Variants in ICAM2 observed in about 807,000 individuals in gnomAD.
ICAM2 encodes ICAM-2.
Under a neutral mutation model 19.1 loss-of-function variants are expected in ICAM2, and 14 were observed. That is an observed-to-expected ratio of 0.73 (90% confidence interval 0.48 to 1.15). The LOEUF is 1.15. Among genes scored for constraint, ICAM2 ranks in the 50% most tolerant of loss-of-function variants. The pLI is 0.00. For missense variants in ICAM2, 311 were observed against 355.4 expected (o/e 0.88, Z 1.00); for synonymous variants, 153 against 152.7 (o/e 1.00, Z -0.01).
chr17:64,003,784 T>C lies in ICAM2; in HGVS notation c.509A>G (p.Glu170Gly). The change falls in exon 4 of 5, where the codon GAG (glutamate) becomes GGG (glycine). Residue 170 changes from glutamate to glycine, a missense_variant. Glu to Gly is a moderately conservative substitution (Grantham distance 98). Coordinates refer to ENST00000579788, the MANE Select transcript of ICAM2 (RefSeq NM_001099789.2). Reference sequence around the variant, plus strand: ...CGTGCTGTTGAATGTGGCTGTGGCCTCCTGCGGAGCAGGGGCTGCCTTCCC... The same window carrying C: ...CGTGCTGTTGAATGTGGCTGTGGCCCCCTGCGGAGCAGGGGCTGCCTTCCC... Reference protein sequence around the residue: ...TFGKAAPAPQEATATFNSTAD... With the variant: ...TFGKAAPAPQGATATFNSTAD... 1 of 1,614,260 alleles carries C rather than the reference T, an allele frequency of 6.2e-7. No homozygotes were observed. The highest frequency in any genetic ancestry group is 8.5e-7 in the Non-Finnish European group (1 of 1,180,046).
intron 1 of ICAM2, among the ~76,000 whole-genome samples, chr17:64,010,255 A>G (rs1169229637): frequency 1.1e-4 from 17 of 152,222 alleles, no homozygotes; most frequent in Admixed American, 1.1e-3. Flanking sequence ...AATAAGAGGA[A>G]ACTGACCATG....
chr17:64,008,699 T>C lies in ICAM2; in HGVS notation c.-44-1964A>G, dbSNP rs73992456. Among the ~76,000 whole-genome samples, 1,139 of 152,300 alleles carry C rather than the reference T, an allele frequency of 7.5e-3. 15 individuals carry two copies. The highest frequency in any genetic ancestry group is 0.026 in the African/African-American group (1,101 of 41,562). Reference sequence around the variant, plus strand: ...CGCAAGAAGAGGATTGTTAGGAGCCTGGTTCCCAGGAGACCCTCAAGAGGG... The same window carrying C: ...CGCAAGAAGAGGATTGTTAGGAGCCCGGTTCCCAGGAGACCCTCAAGAGGG... On this transcript the variant is annotated intron_variant, in intron 1 of 4. Transcript: ENST00000579788.
intron 2 of ICAM2, chr17:64,006,390 C>T: frequency 4.2e-6 from 2 of 479,136 alleles, no homozygotes; most frequent in Non-Finnish European, 7.5e-6. Context: ...GTGATCCCAG[C>T]TACTCAGGAG....
At chr17:64,016,011 T>C (rs1426147361) in intron 1 of ICAM2, among the ~76,000 whole-genome samples, 1 of 152,194 alleles carries the variant, frequency 6.6e-6, no homozygotes, top group Admixed American at 6.5e-5. Flanking sequence ...GTAATTCTAA[T>C]TTTATAAAAA....
At chr17:64,003,278 A>C in intron 4 of ICAM2, 1 of 418,254 alleles carries the variant, frequency 2.4e-6, no homozygotes, top group Non-Finnish European at 4.4e-6. Context: ...AGTGAACTTC[A>C]TGCCAGGCTC....
rs770848921 is a variant in ICAM2, at chr17:64,002,830, C to T, written c.745G>A (p.Gly249Ser). 1.5e-5 allele frequency: 24 copies of T among 1,613,768 alleles called. No homozygotes were observed. Among genetic ancestry groups the T allele is most frequent in the East Asian group, 4.5e-5 (2 of 44,870 alleles). Reference sequence around the variant, plus strand: ...ATCCGCTGCTGGCGCAAGTGCTGGCCGAAGATGAAGCAGAGCAGGACAGAT... The same window carrying T: ...ATCCGCTGCTGGCGCAAGTGCTGGCTGAAGATGAAGCAGAGCAGGACAGAT... ...VTSVLLCFIF[G>S]QHLRQQRMGT... is the part of the protein sequence containing the mutation. Residue 249 changes from glycine (G) to serine (S), a missense_variant, in exon 5 of 5, where the codon GGC becomes AGC. Physicochemically the swap from Gly to Ser is moderately conservative, Grantham distance 56. Transcript: ENST00000579788.
rs183547467 is a variant in ICAM2, at chr17:64,011,676, A to T, written c.-44-4941T>A. ...TACTTTGGGAGGCTGAGGCAGGAGG[A>T]TCCCTTGAACCCAGGAGTTTGAGAT... On this transcript the variant is annotated intron_variant, in intron 1 of 4. Transcript: ENST00000579788. 2.1e-3 allele frequency among the ~76,000 whole-genome samples: 327 copies of T among 152,298 alleles called. 3 individuals are homozygous for T. The highest frequency in any genetic ancestry group is 3.2e-4 in the Non-Finnish European group (22 of 68,018).
intron 1 of ICAM2, among the ~76,000 whole-genome samples, chr17:64,007,980 A>G (rs1383872357): frequency 3.3e-5 from 5 of 152,108 alleles, no homozygotes; most frequent in Non-Finnish European, 7.4e-5. Context: ...TTGCTTTCTC[A>G]GGGGAACCCC....
intron 1 of ICAM2, chr17:64,007,960 G>C (rs1248957440): frequency 2.6e-5 from 4 of 152,292 alleles, no homozygotes; most frequent in Admixed American, 2.6e-4. Flanking sequence ...CAGGGAAAGA[G>C]CAGGACTTCT....
At position 64,003,870 on chromosome 17, in the gene ICAM2, G is replaced by T. The variant is rs1470987273; in HGVS notation, c.423C>A (p.Pro141=). The T allele has an allele frequency of 1.2e-6, 2 of 1,614,220 alleles. No individual in the cohort carries two copies. Among genetic ancestry groups the T allele is most frequent in the Non-Finnish European group, 1.7e-6 (2 of 1,180,038 alleles). The change falls in exon 4 of 5, where the codon CCC becomes CCA. Residue 141 remains proline (P), a synonymous_variant. Transcript: ENST00000579788. The part of the protein sequence containing the change: ...TIECRVPTVE[P]LDSLTLFLFR... Reference sequence around the variant, plus strand: ...ACAGGAAGAGGGTGAGGCTGTCCAGGGGCTCCACGGTGGGCACCCTGCACT... The same window carrying T: ...ACAGGAAGAGGGTGAGGCTGTCCAGTGGCTCCACGGTGGGCACCCTGCACT...
chr17:64,012,378 A>T (rs902413673), intron 1 of ICAM2, among the ~76,000 whole-genome samples: 1 of 152,090 alleles, frequency 6.6e-6, no homozygotes, highest in African/African-American at 2.4e-5. Flanking sequence ...CGGGTGGATC[A>T]CTTGAGGTCA....
chr17:64,015,612 C>A (rs967476613), intron 1 of ICAM2, among the ~76,000 whole-genome samples: 1 of 152,012 alleles, frequency 6.6e-6, no homozygotes, highest in Non-Finnish European at 1.5e-5. Flanking sequence ...TGGTGGTGCA[C>A]GCCTGTAGTC....
chr17:64,010,365 AG>A (rs978871628), intron 1 of ICAM2, among the ~76,000 whole-genome samples: 2 of 152,144 alleles, frequency 1.3e-5, no homozygotes, highest in African/African-American at 4.8e-5. Context: ...TTCTCAAGGA[AG>A]GGGGCTATAA....
chr17:64,011,596 CAA>C (rs1290137875), intron 1 of ICAM2, among the ~76,000 whole-genome samples: 1 of 152,050 alleles, frequency 6.6e-6, no homozygotes, highest in Non-Finnish European at 1.5e-5. Context: ...TTCAAAAAGA[CAA>C]GAGATAAGTG....
At chr17:64,008,053 G>T (rs1259970196) in intron 1 of ICAM2, among the ~76,000 whole-genome samples, 2 of 152,178 alleles carry the variant, frequency 1.3e-5, no homozygotes, top group Non-Finnish European at 2.9e-5. Context: ...CTCCATTCCG[G>T]GTTGGGAGGG....
rs528882026 is a variant in ICAM2 at position 64,018,867 on chromosome 17, G to A, written c.-45+1656C>T. 3.3e-3 allele frequency among the ~76,000 whole-genome samples: 498 copies of A among 151,834 alleles called. 1 individual carries two copies. The highest frequency in any genetic ancestry group is 4.8e-3 in the Non-Finnish European group (328 of 67,918). ...CTCCCGAATAGCTGAAACTACAGGC[G>A]TACGCCACCACACCCAGCTAATTTT... On this transcript the variant is annotated intron_variant, in intron 1 of 4. Coordinates refer to ENST00000579788, the MANE Select transcript of ICAM2 (RefSeq NM_001099789.2).
At chr17:64,015,854 TA>T (rs146000631) in intron 1 of ICAM2, among the ~76,000 whole-genome samples, 42,646 of 151,788 alleles carry the variant, frequency 0.28, 6,996 homozygotes, top group Admixed American at 0.39. Context: ...GGTAACTCTT[TA>T]AAAAAAATTA....
chr17:64,019,397 G>GTAAA (rs55764211), intron 1 of ICAM2, among the ~76,000 whole-genome samples: 84,987 of 148,670 alleles, frequency 0.57, 25,111 homozygotes, highest in South Asian at 0.75. Context: ...CCCCATCTCA[G>GTAAA]TAAATAAATA....
In ICAM2 at chr17:64,014,803, T is replaced by C. The variant is rs146607937; in HGVS notation, c.-45+5720A>G. Among the ~76,000 whole-genome samples the C allele has an allele frequency of 6.8e-3, 1,032 of 152,014 alleles. 36 individuals are homozygous for C. The highest frequency in any genetic ancestry group is 0.061 in the Admixed American group (937 of 15,274). On this transcript the variant is annotated intron_variant, in intron 1 of 4. Coordinates refer to ENST00000579788, the MANE Select transcript of ICAM2 (RefSeq NM_001099789.2). Reference sequence around the variant, plus strand: ...GGAAAATAAGTCTGATGGCCAGGCATGGTGACTCATGCCTATAATCCTAGC... The same window carrying C: ...GGAAAATAAGTCTGATGGCCAGGCACGGTGACTCATGCCTATAATCCTAGC...
Sources: gnomAD v4.1 joint callset for allele counts (sites outside exome capture counted in the v4.1 genomes callset) on GRCh38, gnomAD v4.1.1 for gene constraint, MANE v1.5 for transcripts, NCBI Gene and HGNC (gene_info 2026-07-23, HGNC 2026-07-21) for gene names.